NEDD4L: variants seen among roughly 807,000 people sequenced by gnomAD.
NEDD4L encodes NEDD4 like E3 ubiquitin protein ligase.
A neutral mutation model predicts 148.9 loss-of-function variants in NEDD4L; 54 were observed. That is an observed-to-expected ratio of 0.36 (90% CI 0.29 to 0.45). The LOEUF is 0.45. Among genes scored for constraint, NEDD4L ranks in the 20% least tolerant of loss-of-function variants. The probability of loss-of-function intolerance (pLI) is 1.00; values close to 1 mark genes in which losing one functional copy is unlikely to be tolerated. For synonymous variants in NEDD4L, 433 were observed against 440.7 expected (o/e 0.98, Z 0.22); for missense variants, 856 against 1,233.8 (o/e 0.69, Z 4.59).
At chr18:58,190,491 C>T (rs1318570023) in intron 2 of NEDD4L, among the ~76,000 whole-genome samples, 3 of 152,132 alleles carry the variant, frequency 2.0e-5, no homozygotes, top group Non-Finnish European at 4.4e-5. Context: ...AATTTGATCT[C>T]ATCTTAGGAA....
chr18:58,377,738 G>GGGTTGTTT (rs1555859577), intron 24 of NEDD4L, among the ~76,000 whole-genome samples: 2 of 151,390 alleles, frequency 1.3e-5, no homozygotes, highest in African/African-American at 4.9e-5. Flanking sequence ...TTTGGTTATG[G>GGGTTGTTT]GTTTGTTTGT....
At chr18:58,068,713 G>C (rs1397220538) in intron 1 of NEDD4L, among the ~76,000 whole-genome samples, 1 of 152,188 alleles carries the variant, frequency 6.6e-6, no homozygotes, top group Non-Finnish European at 1.5e-5. Context: ...AAATTGCTCT[G>C]CAGGAGACAT....
chr18:58,305,124 G>A (rs2056920265), intron 5 of NEDD4L, among the ~76,000 whole-genome samples: 1 of 152,180 alleles, frequency 6.6e-6, no homozygotes, highest in Admixed American at 6.5e-5. Flanking sequence ...ATGTAAATGG[G>A]CCCAGCGATT....
chr18:58,317,901 T>A (rs1484694981), intron 6 of NEDD4L, among the ~76,000 whole-genome samples: 3 of 152,176 alleles, frequency 2.0e-5, no homozygotes, highest in Non-Finnish European at 4.4e-5. Context: ...CACAGCCAAC[T>A]ATAGTCAGAG....
chr18:58,110,212 G>A (rs1217221120), intron 1 of NEDD4L, among the ~76,000 whole-genome samples: 1 of 152,216 alleles, frequency 6.6e-6, no homozygotes, highest in African/African-American at 2.4e-5. Context: ...GCATGGGCAG[G>A]TTGAGTACTG....
At chr18:58,312,203 C>T (rs1248457340) in intron 5 of NEDD4L, among the ~76,000 whole-genome samples, 1 of 152,112 alleles carries the variant, frequency 6.6e-6, no homozygotes, top group African/African-American at 2.4e-5. Context: ...TAGAAGGGAA[C>T]ATCTATTATT....
rs115411467 is a variant in NEDD4L, at chr18:58,073,997, A to G, written c.48+29289A>G. Among the ~76,000 whole-genome samples, 621 of 152,350 alleles carry G rather than the reference A, an allele frequency of 4.1e-3. 4 individuals carry two copies. The highest frequency in any genetic ancestry group is 0.014 in the African/African-American group (588 of 41,580). On this transcript the variant is annotated intron_variant, in intron 1 of 30. Coordinates refer to ENST00000400345, the MANE Select transcript of NEDD4L (RefSeq NM_001144967.3). ...GCATTTGTACCTTATGTAGAATTCC[A>G]AAATCTGCTTAGGATTTTCCCTGTC...
At chr18:58,214,807 T>C (rs200800369) in intron 2 of NEDD4L, among the ~76,000 whole-genome samples, 5 of 102,004 alleles carry the variant, frequency 4.9e-5, no homozygotes, top group Non-Finnish European at 7.1e-5. Context: ...TTCATTTTTT[T>C]TTTTTTTTTT....
At chr18:58,390,609 C>T (rs878906822) in intron 28 of NEDD4L, 37 bp from the exon 29 acceptor site, 11 of 1,343,888 alleles carry the variant, frequency 8.2e-6, no homozygotes, top group East Asian at 4.9e-5. Flanking sequence ...CCATGGGTCA[C>T]GTGGGGGGTA....
At chr18:58,314,028 T>C (rs1240701310) in intron 5 of NEDD4L, among the ~76,000 whole-genome samples, 1 of 152,228 alleles carries the variant, frequency 6.6e-6, no homozygotes, top group Non-Finnish European at 1.5e-5. Context: ...GCCACACTAC[T>C]CTGCTCACAT....
At chr18:58,053,548 A>T (rs904354302) in intron 1 of NEDD4L, among the ~76,000 whole-genome samples, 8 of 152,092 alleles carry the variant, frequency 5.3e-5, no homozygotes, top group Non-Finnish European at 1.0e-4. Context: ...TGACCTTGTG[A>T]TCCACCTGCC....
chr18:58,120,067 T>G (rs1040306407), intron 1 of NEDD4L, among the ~76,000 whole-genome samples: 24 of 152,228 alleles, frequency 1.6e-4, no homozygotes, highest in Admixed American at 1.4e-3. Context: ...GAAGTCTCCT[T>G]GCCAGGATCG....
chr18:58,070,420 C>T, intron 1 of NEDD4L, among the ~76,000 whole-genome samples: 1 of 152,048 alleles, frequency 6.6e-6, no homozygotes, highest in East Asian at 1.9e-4. Flanking sequence ...AGATATGTGC[C>T]ACCATGCCCA....
chr18:58,203,262 TG>T (rs2041619446), intron 2 of NEDD4L, among the ~76,000 whole-genome samples: 1 of 152,200 alleles, frequency 6.6e-6, no homozygotes, highest in Admixed American at 6.5e-5. Context: ...CCGCCGCACC[TG>T]GCCCTCAGTG....
rs2050478647 is a variant in NEDD4L, at chr18:58,396,229, T to C, written c.2888T>C (p.Met963Thr). Residue 963 changes from methionine to threonine, a missense_variant, in exon 31 of 31, where the codon ATG becomes ACG. By Grantham distance (81) the Met-to-Thr change is moderately conservative (BLOSUM62 -1). Coordinates refer to ENST00000400345, the MANE Select transcript of NEDD4L (RefSeq NM_001144967.3). ...TFEDLREKLL[M>T]AVENAQGFEG... ...GAAGATTTACGAGAGAAACTTCTCA[T>C]GGCCGTGGAAAATGCTCAAGGATTT... 1 of 1,613,568 alleles carries C rather than the reference T, an allele frequency of 6.2e-7. No homozygotes were observed. Among genetic ancestry groups the C allele is most frequent in the Non-Finnish European group, 8.5e-7 (1 of 1,179,722 alleles).
At chr18:58,385,483 T>C (rs2048892641) in intron 25 of NEDD4L, 43 bp from the exon 26 acceptor site, 1 of 1,505,034 alleles carries the variant, frequency 6.6e-7, no homozygotes, top group Non-Finnish European at 9.3e-7. Context: ...TGAGCACTAG[T>C]GATGATGGAG....
intron 2 of NEDD4L, among the ~76,000 whole-genome samples, chr18:58,228,132 C>T (rs1363173662): frequency 6.6e-6 from 1 of 152,212 alleles, no homozygotes; most frequent in Non-Finnish European, 1.5e-5. Flanking sequence ...TCTCAGTGCC[C>T]TGTAAAGCAA....
chr18:58,255,348 C>A, intron 5 of NEDD4L: 7 of 310,404 alleles, frequency 2.3e-5, no homozygotes, highest in Non-Finnish European at 3.3e-5. Context: ...TAGGGGAAAA[C>A]TCCTCTAAGT....
chr18:58,265,952 T>G (rs2050161030), intron 5 of NEDD4L, among the ~76,000 whole-genome samples: 2 of 152,094 alleles, frequency 1.3e-5, no homozygotes, highest in Admixed American at 1.3e-4. Context: ...GAAATGAATA[T>G]TTTAAATACG....
Sources: allele counts gnomAD v4.1 joint callset (sites outside exome capture counted in the v4.1 genomes callset), GRCh38; gene constraint gnomAD v4.1.1; transcripts MANE v1.5; gene names NCBI Gene and HGNC (gene_info 2026-07-23, HGNC 2026-07-21).